The following NID1 variants were observed in gnomAD, a reference collection of about 807,000 sequenced individuals.
NID1 encodes nidogen 1.
A neutral mutation model predicts 130.6 loss-of-function variants in NID1; 76 were observed. The observed-to-expected ratio is 0.58, with a 90% CI of 0.48 to 0.70. The LOEUF (loss-of-function observed/expected upper bound fraction) is 0.70. NID1 is among the 30% of genes least tolerant of loss of function. NID1 has a pLI of 0.00. For missense variants in NID1, 1,517 were observed against 1,664.8 expected, an observed-to-expected ratio of 0.91 and a Z score of 1.54; for synonymous variants, 665 against 675.1, an observed-to-expected ratio of 0.98 and a Z score of 0.23.
chr1:236,018,383 A>C (rs1658662239), intron 9 of NID1, among the ~76,000 whole-genome samples: 14 of 152,212 alleles, frequency 9.2e-5, no homozygotes, highest in Admixed American at 9.2e-4. Flanking sequence ...AATGTTCCAG[A>C]CACCCAGCTA....
intron 14 of NID1, among the ~76,000 whole-genome samples, chr1:235,986,278 A>G (rs1434111022): frequency 1.3e-5 from 2 of 152,212 alleles, no homozygotes; most frequent in African/African-American, 4.8e-5. Context: ...TTCTAAGATA[A>G]TATGGTTATT....
intron 3 of NID1, among the ~76,000 whole-genome samples, chr1:236,043,491 T>C (rs1272120584): frequency 6.6e-6 from 1 of 152,110 alleles, no homozygotes; most frequent in African/African-American, 2.4e-5. Context: ...ATTGCAGACG[T>C]GGTTTTTTAG....
At chr1:236,048,574 T>G in intron 2 of NID1, 116 bp downstream of exon 2, 1 of 1,204,368 alleles carries the variant, frequency 8.3e-7, no homozygotes, top group Non-Finnish European at 1.1e-6. Flanking sequence ...TTGCTTTGGA[T>G]TTCCTGTCTT....
chr1:236,061,724 C>T (rs879696469), intron 1 of NID1, among the ~76,000 whole-genome samples: 1 of 150,926 alleles, frequency 6.6e-6, no homozygotes, highest in Non-Finnish European at 1.5e-5. Context: ...AGGCCCTTCT[C>T]AACAATTAAA....
At position 236,051,120 on chromosome 1, in the gene NID1, A is replaced by C. The variant is rs902969921; in HGVS notation, c.226-2131T>G. On this transcript the variant is annotated intron_variant, in intron 1 of 19. Transcript: ENST00000264187. Reference sequence around the variant, plus strand: ...AGAGAAAGAAGAAGATTCCCTAATCAAAAGGGAGAGATTTTGCAAATGGCA... The same window carrying C: ...AGAGAAAGAAGAAGATTCCCTAATCCAAAGGGAGAGATTTTGCAAATGGCA... Among the ~76,000 whole-genome samples the C allele has an allele frequency of 1.3e-4, 20 of 152,344 alleles. No individual in the cohort carries two copies. In the South Asian group the frequency reaches 1.5e-3, roughly 11 times the overall value.
chr1:236,064,615 C>A, intron 1 of NID1: 1 of 529,358 alleles, frequency 1.9e-6, no homozygotes, highest in Middle Eastern at 4.9e-4. Flanking sequence ...GTGCCGGGGT[C>A]ACGGCCCGGG....
At chr1:236,033,570 C>A (rs1364873823) in intron 5 of NID1, among the ~76,000 whole-genome samples, 1 of 152,164 alleles carries the variant, frequency 6.6e-6, no homozygotes, top group Non-Finnish European at 1.5e-5. Flanking sequence ...TGAACCAGAA[C>A]CAGCTTGGCG....
rs574580797 is a variant in NID1 at position 236,050,047 on chromosome 1, A to G, written c.226-1058T>C. Among the ~76,000 whole-genome samples the G allele has an allele frequency of 2.8e-3, 419 of 150,868 alleles. 3 individuals are homozygous for G. The highest frequency in any genetic ancestry group is 0.014 in the Middle Eastern group (4 of 294). ...CAAGACTTCATCTCAGGGGAAAAAA[A>G]AAAAAAAAAGACTAAGTACTACTAA... On this transcript the variant is annotated intron_variant, in intron 1 of 19. Coordinates refer to ENST00000264187, the MANE Select transcript of NID1 (RefSeq NM_002508.3).
At chr1:236,060,135 A>T (rs1420511327) in intron 1 of NID1, among the ~76,000 whole-genome samples, 1 of 151,786 alleles carries the variant, frequency 6.6e-6, no homozygotes, top group Non-Finnish European at 1.5e-5. Context: ...GTTACTCCAT[A>T]GACAGAGCAG....
intron 7 of NID1, among the ~76,000 whole-genome samples, chr1:236,028,500 C>T (rs1009198352): frequency 3.3e-5 from 5 of 152,204 alleles, no homozygotes; most frequent in Non-Finnish European, 7.4e-5. Flanking sequence ...AGAGTGAGGG[C>T]TCGTCTCAAA....
At chr1:236,028,713 G>A (rs537073632) in intron 7 of NID1, among the ~76,000 whole-genome samples, 1 of 151,756 alleles carries the variant, frequency 6.6e-6, no homozygotes, top group African/African-American at 2.4e-5. Flanking sequence ...TATATGGAGA[G>A]ACAGAGAGAC....
chr1:236,049,896 G>C (rs985628183), intron 1 of NID1, among the ~76,000 whole-genome samples: 2 of 151,930 alleles, frequency 1.3e-5, no homozygotes, highest in Admixed American at 6.6e-5. Flanking sequence ...AAATTAGCCG[G>C]GCGTGATGGC....
intron 1 of NID1, among the ~76,000 whole-genome samples, chr1:236,050,118 T>A (rs1237322113): frequency 2.0e-5 from 3 of 152,060 alleles, no homozygotes; most frequent in Non-Finnish European, 4.4e-5. Flanking sequence ...TTCATCAATG[T>A]GTCCAAAGTT....
chr1:236,025,742 C>A (rs1158785010), intron 8 of NID1, among the ~76,000 whole-genome samples, 154 bp downstream of exon 8: 2 of 152,094 alleles, frequency 1.3e-5, no homozygotes. Flanking sequence ...TTCCAAGAAT[C>A]AAAAATAACA....
chr1:235,993,267 G>A (rs1463161763), intron 13 of NID1, among the ~76,000 whole-genome samples: 2 of 152,234 alleles, frequency 1.3e-5, no homozygotes, highest in Non-Finnish European at 2.9e-5. Flanking sequence ...ATGTCCCAGT[G>A]CAGGAACATT....
Position 236,024,163 on chromosome 1 carries a change from A to C in NID1, c.2035T>G (p.Cys679Gly). 1 of 1,614,250 alleles carries C rather than the reference A, an allele frequency of 6.2e-7. No homozygotes were observed. Among genetic ancestry groups the C allele is most frequent in the Non-Finnish European group, 8.5e-7 (1 of 1,180,044 alleles). Reference sequence around the variant, plus strand: ...GGGCGACAGGCCGCGTTGGTGTCACACCCATGAGTGCCGATGTAGCAGGGA... The same window carrying C: ...GGGCGACAGGCCGCGTTGGTGTCACCCCCATGAGTGCCGATGTAGCAGGGA... ...QNPCYIGTHG[C>G]DTNAACRPGP... The change falls in exon 9 of 20, where the codon TGT (cysteine) becomes GGT (glycine). Residue 679 changes from cysteine to glycine, a missense_variant. This residue lies in a region of NID1 where 1,329 missense variants were observed against 1,429.2 expected (regional missense o/e 0.93). Transcript: ENST00000264187.
At chr1:236,039,613 C>T (rs941486506) in intron 4 of NID1, among the ~76,000 whole-genome samples, 4 of 152,056 alleles carry the variant, frequency 2.6e-5, no homozygotes, top group East Asian at 1.9e-4. Context: ...TTAATAATCC[C>T]GAGCAAATTA....
chr1:235,988,341 C>T (rs897638546), intron 14 of NID1, among the ~76,000 whole-genome samples: 2 of 152,240 alleles, frequency 1.3e-5, no homozygotes, highest in Middle Eastern at 3.4e-3. Flanking sequence ...ACTTCACACC[C>T]GTTACAATGG....
intron 6 of NID1, among the ~76,000 whole-genome samples, chr1:236,031,172 G>A (rs1383238692): frequency 1.3e-5 from 2 of 151,712 alleles, no homozygotes; most frequent in Admixed American, 1.3e-4. Context: ...AGGCTGGAGT[G>A]CAATGGCACG....
Sources: gnomAD v4.1 joint callset for allele counts (sites outside exome capture counted in the v4.1 genomes callset) on GRCh38, gnomAD v4.1.1 for gene constraint, gnomAD v4.1.1 regional missense constraint, MANE v1.5 for transcripts, NCBI Gene and HGNC (gene_info 2026-07-23, HGNC 2026-07-21) for gene names.